Variants in FBL observed in about 807,000 individuals in gnomAD.
FBL encodes fibrillarin rRNA 2'-O-methyltransferase, also known as rRNA 2'-O-methyltransferase fibrillarin.
In FBL, 10 loss-of-function variants were observed where a neutral mutation model predicts 42.2. That is an observed-to-expected ratio of 0.24 (90% CI 0.15 to 0.40). The LOEUF (loss-of-function observed/expected upper bound fraction) is 0.40, where lower values mean the gene tolerates loss of function less well. Ranked by LOEUF, FBL falls within the 10% of genes least tolerant of loss-of-function variation. The probability of loss-of-function intolerance (pLI) is 1.00; values close to 1 mark genes in which losing one functional copy is unlikely to be tolerated. For missense variants in FBL, 351 were observed against 439.2 expected (o/e 0.80, Z 1.79); for synonymous variants, 165 against 165.4 (o/e 1.00, Z 0.02).
chr19:39,838,111 G>A (rs559187757), intron 5 of FBL: 1 of 409,610 alleles, frequency 2.4e-6, no homozygotes, highest in South Asian at 2.8e-5. Flanking sequence ...CTTAAAACCA[G>A]GAAGCCAAGG....
chr19:39,834,515 C>G lies in FBL; in HGVS notation c.*23G>C, dbSNP rs764031942. On this transcript the variant is annotated 3_prime_UTR_variant, in exon 9 of 9. Coordinates refer to ENST00000221801, the MANE Select transcript of FBL (RefSeq NM_001436.4). ...TGCAACAGTATCAACACACATCTCT[C>G]GCAATCCTGACAGCGCTGAACTTCA... is the stretch of plus-strand genomic sequence containing the variant. 6.2e-7 allele frequency: 1 copy of G among 1,613,912 alleles called. No homozygotes were observed. The highest frequency in any genetic ancestry group is 8.5e-7 in the Non-Finnish European group (1 of 1,179,840).
At chr19:39,837,571 C>A in intron 6 of FBL, 140 bp downstream of exon 6, 2 of 792,972 alleles carry the variant, frequency 2.5e-6, no homozygotes, top group East Asian at 5.9e-5. Context: ...ACCTAGCTCC[C>A]CTTACCCCTT....
intron 1 of FBL, among the ~76,000 whole-genome samples, chr19:39,841,886 C>A (rs1938929815): frequency 6.6e-6 from 1 of 152,176 alleles, no homozygotes; most frequent in African/African-American, 2.4e-5. Context: ...TTTATTCTTA[C>A]CAGTTCAGGA....
At position 39,836,688 on chromosome 19, in the gene FBL, A is replaced by T; in HGVS notation, c.683-20T>A. ...CCATTGCTAAGGAGAAAGGAGCAGC[A>T]GTTAAAAGTTGGAGTCACAGGGATC... On this transcript the variant is annotated intron_variant, in intron 6 of 8. Transcript: ENST00000221801. 6.3e-7 allele frequency: 1 copy of T among 1,598,690 alleles called. No individual in the cohort carries two copies. Among genetic ancestry groups the T allele is most frequent in the Non-Finnish European group, 8.6e-7 (1 of 1,166,498 alleles).
Position 39,840,390 on chromosome 19 carries a change from C to T in FBL, c.283+24G>A, listed in dbSNP as rs201702222. 4.0e-5 allele frequency: 64 copies of T among 1,613,380 alleles called. No individual in the cohort carries two copies. In the African/African-American group the frequency reaches 4.5e-4, roughly 11 times the overall value. On this transcript the variant is annotated intron_variant, in intron 3 of 8. Coordinates refer to ENST00000221801, the MANE Select transcript of FBL (RefSeq NM_001436.4). This position sits in a 1 kb window ranked among gnomAD's most constrained non-coding sequence, Gnocchi z 4.5. ...GCCTCTCCCTGCCCCGAAGCTCAGCCGGCTCCCTGCCTTCCTCACTCACCC... is the reference window on the plus strand; with the variant it reads ...GCCTCTCCCTGCCCCGAAGCTCAGCTGGCTCCCTGCCTTCCTCACTCACCC...
At position 39,845,020 on chromosome 19, in the gene FBL, C is replaced by T. The variant is rs895354392; in HGVS notation, c.10+1271G>A. On this transcript the variant is annotated intron_variant, in intron 1 of 8. Transcript: ENST00000221801. Reference sequence around the variant, plus strand: ...ATCTCAGCATACCTGGCCTACAATCCCCCACCCCACTTCATCAAGAGATCC... The same window carrying T: ...ATCTCAGCATACCTGGCCTACAATCTCCCACCCCACTTCATCAAGAGATCC... 3.3e-5 allele frequency among the ~76,000 whole-genome samples: 5 copies of T among 151,982 alleles called. No homozygotes were observed. The South Asian group carries it at 6.2e-4, about 19-fold the overall frequency.
intron 1 of FBL, 107 bp downstream of exon 1, chr19:39,846,184 C>T: frequency 7.4e-7 from 1 of 1,348,648 alleles, no homozygotes; most frequent in Non-Finnish European, 1.1e-6. Context: ...AACCCGTGCT[C>T]AGAACCCCTG....
chr19:39,838,956 C>G (rs1568540429), intron 5 of FBL, 79 bp downstream of exon 5: 1 of 1,311,360 alleles, frequency 7.6e-7, no homozygotes, highest in East Asian at 2.3e-5. Context: ...CGCAGGCAAG[C>G]AGTCAAACCC....
chr19:39,846,327 G>C lies in FBL; in HGVS notation c.-27C>G. Reference sequence around the variant, plus strand: ...GCGAGCCCTGGTTTGTGCGGCTCCGGAGTCCGCGGCGTTCACAACTCCACG... The same window carrying C: ...GCGAGCCCTGGTTTGTGCGGCTCCGCAGTCCGCGGCGTTCACAACTCCACG... On this transcript the variant is annotated 5_prime_UTR_variant, in exon 1 of 9. Transcript: ENST00000221801. 3 of 1,612,858 alleles carry C rather than the reference G, an allele frequency of 1.9e-6. No individual in the cohort carries two copies. Among genetic ancestry groups the C allele is most frequent in the Non-Finnish European group, 2.5e-6 (3 of 1,179,504 alleles).
chr19:39,836,918 G>A (rs1322368861), intron 6 of FBL, among the ~76,000 whole-genome samples: 3 of 152,346 alleles, frequency 2.0e-5, no homozygotes, highest in East Asian at 1.9e-4. Flanking sequence ...TGGGCCGGGC[G>A]TGGGGGACAT....
At position 39,834,546 on chromosome 19, in the gene FBL, T is replaced by C. The variant is rs370900760; in HGVS notation, c.958A>G (p.Lys320Glu). ...VGVYRPPPKV[K>E]N ...CCTGACAGCGCTGAACTTCAGTTCT[T>C]CACCTTGGGGGGTGGCCTGTGAGAG... Residue 320 changes from lysine (K) to glutamate (E), a missense_variant, in exon 9 of 9, where the codon AAG becomes GAG. By Grantham distance (56) the Lys-to-Glu change is moderately conservative. Transcript: ENST00000221801. 26 of 1,614,034 alleles carry C rather than the reference T, an allele frequency of 1.6e-5. No homozygotes were observed. Among genetic ancestry groups the C allele is most frequent in the Non-Finnish European group, 2.1e-5 (25 of 1,180,038 alleles).
Position 39,846,311 on chromosome 19 carries a change from G to C in FBL, c.-11C>G. 2 of 1,613,632 alleles carry C rather than the reference G, an allele frequency of 1.2e-6. No individual in the cohort carries two copies. The highest frequency in any genetic ancestry group is 2.2e-5 in the East Asian group (1 of 44,858). ...CTGACCTGGCTTCATGGCGAGCCCT[G>C]GTTTGTGCGGCTCCGGAGTCCGCGG... On this transcript the variant is annotated 5_prime_UTR_variant, in exon 1 of 9. Coordinates refer to ENST00000221801, the MANE Select transcript of FBL (RefSeq NM_001436.4).
rs1243081067 is a variant in FBL at position 39,834,549 on chromosome 19, C to T, written c.955G>A (p.Val319Met). 6.2e-7 allele frequency: 1 copy of T among 1,614,182 alleles called. No homozygotes were observed. The highest frequency in any genetic ancestry group is 8.5e-7 in the Non-Finnish European group (1 of 1,180,030). Residue 319 changes from valine (V) to methionine (M), a missense_variant, in exon 9 of 9, where the codon GTG becomes ATG. By Grantham distance (21) the Val-to-Met change is conservative (BLOSUM62 1). Transcript: ENST00000221801. ...VVGVYRPPPK[V>M]KN ...GACAGCGCTGAACTTCAGTTCTTCA[C>T]CTTGGGGGGTGGCCTGTGAGAGGAA...
At chr19:39,836,908 T>C (rs185240098) in intron 6 of FBL, among the ~76,000 whole-genome samples, 1 of 152,328 alleles carries the variant, frequency 6.6e-6, no homozygotes, top group East Asian at 1.9e-4. Context: ...TGGCCAGCCC[T>C]GGGCCGGGCG....
chr19:39,843,853 A>G (rs1969208871), intron 1 of FBL, among the ~76,000 whole-genome samples: 1 of 152,208 alleles, frequency 6.6e-6, no homozygotes, highest in African/African-American at 2.4e-5. Context: ...CACATCACAT[A>G]TATACTATCT....
Position 39,846,344 on chromosome 19 carries a change from A to C in FBL, c.-44T>G. 1 of 1,611,308 alleles carries C rather than the reference A, an allele frequency of 6.2e-7. No individual in the cohort carries two copies. Among genetic ancestry groups the C allele is most frequent in the Non-Finnish European group, 8.5e-7 (1 of 1,178,860 alleles). On this transcript the variant is annotated 5_prime_UTR_variant, in exon 1 of 9. Coordinates refer to ENST00000221801, the MANE Select transcript of FBL (RefSeq NM_001436.4). Reference sequence around the variant, plus strand: ...CGGCTCCGGAGTCCGCGGCGTTCACAACTCCACGAGTCCGGGGCTTTCGCA... The same window carrying C: ...CGGCTCCGGAGTCCGCGGCGTTCACCACTCCACGAGTCCGGGGCTTTCGCA...
rs1326923457 is a variant in FBL, at chr19:39,834,511, C to A, written c.*27G>T. 9 of 1,613,886 alleles carry A rather than the reference C, an allele frequency of 5.6e-6. No homozygotes were observed. Among genetic ancestry groups the A allele is most frequent in the Non-Finnish European group, 7.6e-6 (9 of 1,179,798 alleles). ...CACGTGCAACAGTATCAACACACAT[C>A]TCTCGCAATCCTGACAGCGCTGAAC... On this transcript the variant is annotated 3_prime_UTR_variant, in exon 9 of 9. Transcript: ENST00000221801.
chr19:39,840,899 A>G lies in FBL; in HGVS notation c.11-112T>C. 9.9e-7 allele frequency: 1 copy of G among 1,014,870 alleles called. No homozygotes were observed. The highest frequency in any genetic ancestry group is 1.4e-6 in the Non-Finnish European group (1 of 724,926). 62.9% of individuals were successfully genotyped at this position (1,014,870 alleles called of 1,614,324 possible). ...ACCTGAAATACATGTGCCCGTGTAC[A>G]GCAGGACACATTTCCAAGAATGTCC... On this transcript the variant is annotated intron_variant, in intron 1 of 8. Transcript: ENST00000221801. The surrounding 1 kb of genome is among the most constrained non-coding windows in gnomAD (Gnocchi z 4.5).
chr19:39,840,885 A>C lies in FBL; in HGVS notation c.11-98T>G, dbSNP rs1969152920. 2.6e-6 allele frequency: 3 copies of C among 1,163,458 alleles called. No homozygotes were observed. Among genetic ancestry groups the C allele is most frequent in the Non-Finnish European group, 3.6e-6 (3 of 844,142 alleles). The allele number at this position is 1,163,458 out of a possible 1,614,324, so 72.1% of individuals were successfully genotyped here. A position where few individuals can be genotyped will look rare whatever the true frequency, so the allele number is the denominator to read the frequency against. On this transcript the variant is annotated intron_variant, in intron 1 of 8. Coordinates refer to ENST00000221801, the MANE Select transcript of FBL (RefSeq NM_001436.4). This position sits in a 1 kb window ranked among gnomAD's most constrained non-coding sequence, Gnocchi z 4.5. ...CTCTCAGGTGAGAAACCTGAAATAC[A>C]TGTGCCCGTGTACAGCAGGACACAT...
Sources: allele counts gnomAD v4.1 joint callset (sites outside exome capture counted in the v4.1 genomes callset), GRCh38; gene constraint gnomAD v4.1.1; non-coding constraint Gnocchi (gnomAD v3.1); transcripts MANE v1.5; gene names NCBI Gene and HGNC (gene_info 2026-07-23, HGNC 2026-07-21).